The following CFAP54 variants were observed in gnomAD, a reference collection of about 807,000 sequenced individuals.
CFAP54 encodes cilia and flagella associated protein 54.
A neutral mutation model predicts 370.4 loss-of-function variants in CFAP54; 290 were observed. The ratio of observed to expected loss-of-function variants is 0.78; its 90% confidence interval spans 0.71 to 0.86. CFAP54 has a LOEUF of 0.86. Among genes scored for constraint, CFAP54 ranks in the 40% least tolerant of loss-of-function variants. The probability of loss-of-function intolerance (pLI) is 0.00; values close to 1 mark genes in which losing one functional copy is unlikely to be tolerated. For missense variants in CFAP54, 3,399 were observed against 3,528.7 expected (o/e 0.96, Z 0.93); for synonymous variants, 1,206 against 1,236.5 (o/e 0.98, Z 0.52).
At chr12:96,542,008 G>T (rs1464812008) in intron 14 of CFAP54, among the ~76,000 whole-genome samples, 1 of 151,744 alleles carries the variant, frequency 6.6e-6, no homozygotes, top group African/African-American at 2.4e-5. Flanking sequence ...TCTTTGTTCT[G>T]CCTCTGGTTG....
At chr12:96,549,029 T>C (rs997412598) in intron 15 of CFAP54, among the ~76,000 whole-genome samples, 1 of 152,130 alleles carries the variant, frequency 6.6e-6, no homozygotes, top group African/African-American at 2.4e-5. Flanking sequence ...TAATTTTTTG[T>C]ATTTTTAGTG....
At chr12:96,686,624 C>A (rs1430922540) in intron 42 of CFAP54, among the ~76,000 whole-genome samples, 4 of 152,046 alleles carry the variant, frequency 2.6e-5, no homozygotes, top group Admixed American at 2.6e-4. Context: ...CTCTTTTAAA[C>A]AACCAGATGT....
At chr12:96,526,749 A>C (rs908304070) in intron 8 of CFAP54, among the ~76,000 whole-genome samples, 10 of 152,232 alleles carry the variant, frequency 6.6e-5, no homozygotes, top group African/African-American at 2.4e-4. Context: ...TCTTTGATGT[A>C]ATGGCAGCAT....
At chr12:96,750,640 C>A (rs1359264342) in intron 55 of CFAP54, among the ~76,000 whole-genome samples, 4 of 152,090 alleles carry the variant, frequency 2.6e-5, no homozygotes, top group Non-Finnish European at 5.9e-5. Context: ...CATTTGATTT[C>A]TACAGGAGCT....
At chr12:96,491,743 A>G (rs1954887508) in intron 1 of CFAP54, among the ~76,000 whole-genome samples, 1 of 152,120 alleles carries the variant, frequency 6.6e-6, no homozygotes, top group Non-Finnish European at 1.5e-5. Context: ...AGCCCATTAT[A>G]TACCTACTCT....
intron 66 of CFAP54, among the ~76,000 whole-genome samples, chr12:96,836,973 AC>A (rs1163756511): frequency 6.6e-6 from 1 of 152,154 alleles, no homozygotes; most frequent in African/African-American, 2.4e-5. Context: ...GACTATAGGC[AC>A]ATGCCACCAT....
At chr12:96,737,457 GATATATT>G (rs1957992477) in intron 50 of CFAP54, among the ~76,000 whole-genome samples, 1 of 148,398 alleles carries the variant, frequency 6.7e-6, no homozygotes, top group Non-Finnish European at 1.5e-5. Context: ...GTTTTTAATA[GATATATT>G]ATATATTATA....
chr12:96,875,018 A>G (rs1937633093), intron 67 of CFAP54, 100 bp from the exon 68 acceptor site: 1 of 152,188 alleles, frequency 6.6e-6, no homozygotes. Context: ...GCGCAGGAGC[A>G]TAATTTTTGG....
intron 61 of CFAP54, among the ~76,000 whole-genome samples, chr12:96,786,097 G>A (rs1958625984): frequency 6.6e-6 from 1 of 152,088 alleles, no homozygotes; most frequent in South Asian, 2.1e-4. Context: ...CTGTTTTAGG[G>A]GGAACCCAAA....
At chr12:96,596,771 C>T (rs537258838) in intron 25 of CFAP54, among the ~76,000 whole-genome samples, 67 of 152,090 alleles carry the variant, frequency 4.4e-4, no homozygotes, top group African/African-American at 1.5e-3. Context: ...AAAAAAATAT[C>T]TCCAAATGCG....
intron 50 of CFAP54, among the ~76,000 whole-genome samples, chr12:96,727,206 G>C (rs1957852520): frequency 1.3e-5 from 2 of 152,200 alleles, no homozygotes; most frequent in South Asian, 4.1e-4. Flanking sequence ...TTGGTGCAGA[G>C]CTGAGTTCAA....
chr12:96,815,965 C>T (rs553050069), intron 64 of CFAP54, among the ~76,000 whole-genome samples: 1 of 152,102 alleles, frequency 6.6e-6, no homozygotes, highest in Non-Finnish European at 1.5e-5. Flanking sequence ...GTTACTGTAG[C>T]CTTGTAGTAC....
Position 96,589,477 on chromosome 12 carries a change from A to G in CFAP54, c.3126A>G (p.Pro1042=), listed in dbSNP as rs1470540419. ...NYELAKKVFS[P]VWDYFVASPL... ...AATTGGCTAAGAAAGTTTTCTCACC[A>G]GTTTGGGATTATTTTGTTGCTTCGC... Residue 1042 remains proline (P), a synonymous_variant, in exon 23 of 68, where the codon CCA becomes CCG. Coordinates refer to ENST00000524981, the MANE Select transcript of CFAP54 (RefSeq NM_001306084.2). 1 of 1,531,314 alleles carries G rather than the reference A, an allele frequency of 6.5e-7. No homozygotes were observed. The highest frequency in any genetic ancestry group is 1.2e-5 in the South Asian group (1 of 83,900). 94.9% of individuals were successfully genotyped at this position (1,531,314 alleles called of 1,614,324 possible).
chr12:96,591,672 G>T (rs563124387), intron 23 of CFAP54, among the ~76,000 whole-genome samples: 1 of 152,092 alleles, frequency 6.6e-6, no homozygotes, highest in Non-Finnish European at 1.5e-5. Context: ...GGCGGATCAC[G>T]AGGTCAGGAG....
chr12:96,668,408 C>G (rs1957105129), intron 39 of CFAP54, among the ~76,000 whole-genome samples: 1 of 152,156 alleles, frequency 6.6e-6, no homozygotes, highest in African/African-American at 2.4e-5. Context: ...CGAGGCCTCA[C>G]AATCATGGTG....
chr12:96,634,202 T>C (rs1050899232), intron 32 of CFAP54, among the ~76,000 whole-genome samples: 14 of 151,600 alleles, frequency 9.2e-5, no homozygotes, highest in Admixed American at 8.6e-4. Context: ...ATTACAGGCA[T>C]GCACCACCAC....
intron 67 of CFAP54, among the ~76,000 whole-genome samples, chr12:96,862,043 G>A (rs1050514921): frequency 1.3e-5 from 2 of 151,958 alleles, no homozygotes; most frequent in Non-Finnish European, 2.9e-5. Flanking sequence ...ATGAAACAAC[G>A]GTAATAGTAG....
chr12:96,593,467 A>T (rs1956146505), intron 24 of CFAP54, among the ~76,000 whole-genome samples: 1 of 152,126 alleles, frequency 6.6e-6, no homozygotes, highest in Non-Finnish European at 1.5e-5. Context: ...TTTGCCCCAG[A>T]CAAGTTCACT....
Position 96,635,996 on chromosome 12 carries a change from G to A in CFAP54, c.4316+5345G>A, listed in dbSNP as rs561609671. Among the ~76,000 whole-genome samples the A allele has an allele frequency of 1.3e-4, 20 of 152,274 alleles. No homozygotes were observed. The South Asian group carries it at 3.7e-3, about 28-fold the overall frequency. ...CTTGCAGCCACCCTCCCCTCCAGGA[G>A]GTGGGAGGGGTGGGGCTGAAAGGTC... On this transcript the variant is annotated intron_variant, in intron 32 of 67. Transcript: ENST00000524981.
Sources: allele counts gnomAD v4.1 joint callset (sites outside exome capture counted in the v4.1 genomes callset), GRCh38; gene constraint gnomAD v4.1.1; transcripts MANE v1.5; gene names NCBI Gene and HGNC (gene_info 2026-07-23, HGNC 2026-07-21).